Variants in NKX6-3 observed in about 807,000 individuals in gnomAD.
NKX6-3 encodes NK6 homeobox 3, also known as homeobox protein Nkx-6.3.
NKX6-3 carries 17 observed loss-of-function variants against 22.0 expected under a neutral mutation model. The observed-to-expected ratio is 0.77, with a 90% CI of 0.53 to 1.16. NKX6-3 has a LOEUF of 1.16. NKX6-3 is among the 50% of genes most tolerant of loss of function. The pLI is 0.00. For missense variants in NKX6-3, 363 were observed against 359.0 expected (o/e 1.01, Z -0.09); for synonymous variants, 177 against 167.2 (o/e 1.06, Z -0.45).
At position 41,646,403 on chromosome 8, in the gene NKX6-3, T is replaced by C. The variant is rs770356218; in HGVS notation, c.*46A>G. Reference sequence around the variant, plus strand: ...GGAGGGGAAGGTAGGCTCCTCGGCGTCCCCCCGCAGGCTGCAGCCAGGATC... The same window carrying C: ...GGAGGGGAAGGTAGGCTCCTCGGCGCCCCCCCGCAGGCTGCAGCCAGGATC... On this transcript the variant is annotated 3_prime_UTR_variant, in exon 3 of 3. Coordinates refer to ENST00000518699, the MANE Select transcript of NKX6-3 (RefSeq NM_001364841.2). The C allele has an allele frequency of 1.7e-5, 27 of 1,546,098 alleles. No individual in the cohort carries two copies. Among genetic ancestry groups the C allele is most frequent in the Middle Eastern group, 4.0e-4 (2 of 4,940 alleles).
At chr8:41,650,013 G>A (rs1804284030) in intron 1 of NKX6-3, 98 bp downstream of exon 1, 2 of 1,306,516 alleles carry the variant, frequency 1.5e-6, no homozygotes, top group South Asian at 1.5e-5. Flanking sequence ...GGGGGAGAGG[G>A]CGGAGGTGCA....
chr8:41,648,007 GCCT>G, intron 2 of NKX6-3, 56 bp downstream of exon 2: 1 of 1,442,450 alleles, frequency 6.9e-7, no homozygotes, highest in Middle Eastern at 1.9e-4. Flanking sequence ...CAACGCAGTG[GCCT>G]CCTGTCCGGC....
Position 41,646,344 on chromosome 8 carries a change from C to G in NKX6-3, c.*105G>C. 7.2e-7 allele frequency: 1 copy of G among 1,392,946 alleles called. No homozygotes were observed. The highest frequency in any genetic ancestry group is 1.3e-5 in the South Asian group (1 of 78,916). The allele number at this position is 1,392,946 out of a possible 1,614,324, so 86.3% of individuals were successfully genotyped here. A position where few individuals can be genotyped will look rare whatever the true frequency, so the allele number is the denominator to read the frequency against. ...CACGCGCCCCTCATCCAAAGAAAGA[C>G]TCAGTCCCTGCGCCCCCAGGAGCGT... is the stretch of plus-strand genomic sequence containing the variant. On this transcript the variant is annotated 3_prime_UTR_variant, in exon 3 of 3. Transcript: ENST00000518699.
At chr8:41,647,302 G>A (rs1804232700) in intron 2 of NKX6-3, 2 of 1,597,362 alleles carry the variant, frequency 1.3e-6, no homozygotes, top group Non-Finnish European at 1.7e-6. Context: ...GCTCGGGGAG[G>A]CCCCAGGGCC....
rs942192218 is a variant in NKX6-3 at position 41,645,680 on chromosome 8, GCTGTC to G, written c.*764_*768del. On this transcript the variant is annotated 3_prime_UTR_variant, in exon 3 of 3. Coordinates refer to ENST00000518699, the MANE Select transcript of NKX6-3 (RefSeq NM_001364841.2). ...TCCCTGCACCCTCCCCTTTTCCCCG[GCTGTC>G]AGGATGAGGAGGGCACAGCGGTCTC... 30 of 152,400 alleles carry G rather than the reference GCTGTC, an allele frequency of 2.0e-4. No homozygotes were observed. The highest frequency in any genetic ancestry group is 7.0e-4 in the African/African-American group (29 of 41,516). 9.4% of individuals were successfully genotyped at this position (152,400 alleles called of 1,614,324 possible). A position where few individuals can be genotyped will look rare whatever the true frequency, so the allele number is the denominator to read the frequency against.
chr8:41,647,294 TC>T, intron 2 of NKX6-3: 1 of 1,602,162 alleles, frequency 6.2e-7, no homozygotes. Context: ...GGGTTGGAGC[TC>T]GGGGAGGCCC....
chr8:41,650,239 G>A lies in NKX6-3; in HGVS notation c.254C>T (p.Ser85Leu), dbSNP rs1472445365. 7.2e-6 allele frequency: 11 copies of A among 1,533,336 alleles called. No homozygotes were observed. The highest frequency in any genetic ancestry group is 8.7e-6 in the Non-Finnish European group (10 of 1,145,696). 95.0% of individuals were successfully genotyped at this position (1,533,336 alleles called of 1,614,324 possible). Reference sequence around the variant, plus strand: ...CTGGGGGCTGTAGTAGACCCCCTGCGAGCTGAGCCCCCCAAAGCCTGCCAC... The same window carrying A: ...CTGGGGGCTGTAGTAGACCCCCTGCAAGCTGAGCCCCCCAAAGCCTGCCAC... ...PHVAGFGGLS[S>L]QGVYYSPQVG... Residue 85 changes from serine to leucine, a missense_variant, in exon 1 of 3, where the codon TCG (serine) becomes TTG (leucine). By Grantham distance (145) the Ser-to-Leu change is moderately radical. Transcript: ENST00000518699.
intron 2 of NKX6-3, among the ~76,000 whole-genome samples, chr8:41,646,933 CTCCCCCT>C (rs1341034080): frequency 9.6e-5 from 2 of 20,864 alleles, no homozygotes; most frequent in African/African-American, 2.1e-4. Flanking sequence ...CTCCCTCCCC[CTCCCCCT>C]CCCCTCCCCC....
rs1460346227 is a variant in NKX6-3, at chr8:41,650,326, G to C, written c.167C>G (p.Thr56Arg). The change falls in exon 1 of 3, where the codon ACG becomes AGG. Residue 56 changes from threonine to arginine, a missense_variant. Coordinates refer to ENST00000518699, the MANE Select transcript of NKX6-3 (RefSeq NM_001364841.2). ...AGCCACGGGCCTGCTCAGGATGTCC[G>C]TGATCCCGTGGGGGGTTCCGGCGGC... ...QLAAGTPHGITDILSRPVAAP... is the reference protein window; with the variant it reads ...QLAAGTPHGIRDILSRPVAAP... The C allele has an allele frequency of 6.5e-7, 1 of 1,534,800 alleles. No individual in the cohort carries two copies. Among genetic ancestry groups the C allele is most frequent in the Non-Finnish European group, 8.7e-7 (1 of 1,146,246 alleles).
intron 2 of NKX6-3, chr8:41,647,269 T>G (rs1427215290): frequency 1.2e-6 from 2 of 1,609,314 alleles, no homozygotes; most frequent in Admixed American, 1.7e-5. Flanking sequence ...GAGCGGCTGA[T>G]GAGGAGGGCG....
In NKX6-3 at chr8:41,646,016, C is replaced by T; in HGVS notation, c.*433G>A. 1 of 215,840 alleles carries T rather than the reference C, an allele frequency of 4.6e-6. No individual in the cohort carries two copies. The allele number at this position is 215,840 out of a possible 1,614,324, so 13.4% of individuals were successfully genotyped here. On this transcript the variant is annotated 3_prime_UTR_variant, in exon 3 of 3. Coordinates refer to ENST00000518699, the MANE Select transcript of NKX6-3 (RefSeq NM_001364841.2). ...ACTCCCCAGCCAGCTGCCTCCCTCC[C>T]TGGGAAGTCCTGCCCACTCCCCCCG... is the stretch of plus-strand genomic sequence containing the variant.
intron 2 of NKX6-3, 40 bp from the exon 3 acceptor site, chr8:41,646,734 G>A (rs1226488480): frequency 1.3e-6 from 2 of 1,520,204 alleles, no homozygotes; most frequent in Non-Finnish European, 8.8e-7. Flanking sequence ...GGGGCACAGC[G>A]CGCACGGGAC....
intron 1 of NKX6-3, 102 bp downstream of exon 1, chr8:41,650,009 G>A (rs1420515105): frequency 1.6e-6 from 2 of 1,268,574 alleles, no homozygotes; most frequent in Admixed American, 2.7e-5. Flanking sequence ...GACTGGGGGA[G>A]AGGGCGGAGG....
At chr8:41,647,671 C>T (rs1212656267) in intron 2 of NKX6-3, among the ~76,000 whole-genome samples, 1 of 152,114 alleles carries the variant, frequency 6.6e-6, no homozygotes, top group Non-Finnish European at 1.5e-5. Flanking sequence ...GCCGACCGTG[C>T]TTGGAATTTT....
chr8:41,646,335 AAAG>A lies in NKX6-3; in HGVS notation c.*111_*113del. 5 of 243,688 alleles carry A rather than the reference AAAG, an allele frequency of 2.1e-5. No individual in the cohort carries two copies. The highest frequency in any genetic ancestry group is 2.2e-5 in the Non-Finnish European group (4 of 180,376). 15.1% of individuals were successfully genotyped at this position (243,688 alleles called of 1,614,324 possible). Reference sequence around the variant, plus strand: ...CTCCTCCTCCACGCGCCCCTCATCCAAAGAAAGACTCAGTCCCTGCGCCCCCAG... The same window carrying A: ...CTCCTCCTCCACGCGCCCCTCATCCAAAAGACTCAGTCCCTGCGCCCCCAG... On this transcript the variant is annotated 3_prime_UTR_variant, in exon 3 of 3. Transcript: ENST00000518699.
intron 2 of NKX6-3, among the ~76,000 whole-genome samples, chr8:41,647,675 G>A (rs1317873156): frequency 6.6e-6 from 1 of 152,108 alleles, no homozygotes; most frequent in Non-Finnish European, 1.5e-5. Flanking sequence ...ACCGTGCTTG[G>A]AATTTTTGGC....
intron 2 of NKX6-3, chr8:41,647,237 C>G: frequency 6.2e-7 from 1 of 1,612,118 alleles, no homozygotes; most frequent in Non-Finnish European, 8.5e-7. Context: ...TTCTTCCCCC[C>G]AGCTCTCGCC....
intron 2 of NKX6-3, chr8:41,647,500 A>C: frequency 1.3e-6 from 1 of 765,038 alleles, no homozygotes; most frequent in East Asian, 2.9e-5. Context: ...GCCTGGGCTC[A>C]CCCTCCCTAG....
rs1804198363 is a variant in NKX6-3 at position 41,646,312 on chromosome 8, C to T, written c.*137G>A. 10 of 1,181,668 alleles carry T rather than the reference C, an allele frequency of 8.5e-6. No individual in the cohort carries two copies. In the South Asian group the frequency reaches 1.3e-4, roughly 15 times the overall value. 73.2% of individuals were successfully genotyped at this position (1,181,668 alleles called of 1,614,324 possible). A position where few individuals can be genotyped will look rare whatever the true frequency, so the allele number is the denominator to read the frequency against. On this transcript the variant is annotated 3_prime_UTR_variant, in exon 3 of 3. Transcript: ENST00000518699. ...CTCCTCCTCCCCTGCACCTGCTGCTCCTCCTCCACGCGCCCCTCATCCAAA... is the reference window on the plus strand; with the variant it reads ...CTCCTCCTCCCCTGCACCTGCTGCTTCTCCTCCACGCGCCCCTCATCCAAA...
Sources: allele counts gnomAD v4.1 joint callset (sites outside exome capture counted in the v4.1 genomes callset), GRCh38; gene constraint gnomAD v4.1.1; transcripts MANE v1.5; gene names NCBI Gene and HGNC (gene_info 2026-07-23, HGNC 2026-07-21).